Variants in CAPN15 observed in about 807,000 individuals in gnomAD.
CAPN15 encodes the protein calpain-15.
Under a neutral mutation model 97.9 loss-of-function variants are expected in CAPN15, and 53 were observed. That is an observed-to-expected ratio of 0.54 (90% confidence interval 0.43 to 0.68). The LOEUF (loss-of-function observed/expected upper bound fraction) is 0.68. Among genes scored for constraint, CAPN15 ranks in the 30% least tolerant of loss-of-function variants. The probability of loss-of-function intolerance (pLI) is 0.00; values close to 1 mark genes in which losing one functional copy is unlikely to be tolerated. For missense variants in CAPN15, 1,592 were observed against 1,589.8 expected (o/e 1.00, Z -0.02); for synonymous variants, 922 against 722.5 (o/e 1.28, Z -4.43).
At chr16:553,148 CCCCTA>C in intron 13 of CAPN15, 107 bp downstream of exon 13, 1 of 445,148 alleles carries the variant, frequency 2.2e-6, no homozygotes, top group Non-Finnish European at 3.9e-6. Flanking sequence ...GGTGCCCCCT[CCCCTA>C]CCCCGCTGCA....
Position 530,020 on chromosome 16 carries a change from G to T in CAPN15, c.-190+1991G>T, listed in dbSNP as rs558628552. Among the ~76,000 whole-genome samples, 18 of 152,364 alleles carry T rather than the reference G, an allele frequency of 1.2e-4. No individual in the cohort carries two copies. The East Asian group carries it at 1.7e-3, about 15-fold the overall frequency. The stretch of plus-strand genomic sequence containing the variant: ...GCAGGAGTGCCCAGAAGCCCAGTGG[G>T]ACTTGTTCTCTGCCTAAAGCCCTTC... On this transcript the variant is annotated intron_variant, in intron 1 of 13. Transcript: ENST00000219611.
rs1243774209 is a variant in CAPN15, at chr16:536,088, C to G, written c.-77C>G. 2 of 979,666 alleles carry G rather than the reference C, an allele frequency of 2.0e-6. No individual in the cohort carries two copies. The highest frequency in any genetic ancestry group is 2.4e-6 in the Non-Finnish European group (2 of 828,640). The allele number at this position is 979,666 out of a possible 1,614,324, so 60.7% of individuals were successfully genotyped here. Reference sequence around the variant, plus strand: ...GACCTGCGTCCTCGGGGCCACTGCACTGGGTGATTCACGTGTGCCCAGGCC... The same window carrying G: ...GACCTGCGTCCTCGGGGCCACTGCAGTGGGTGATTCACGTGTGCCCAGGCC... On this transcript the variant is annotated 5_prime_UTR_variant, in exon 3 of 14. Transcript: ENST00000219611.
Position 546,927 on chromosome 16 carries a change from G to A in CAPN15, c.89G>A (p.Arg30Gln), listed in dbSNP as rs778703576. 54 of 1,610,922 alleles carry A rather than the reference G, an allele frequency of 3.4e-5. No individual in the cohort carries two copies. The highest frequency in any genetic ancestry group is 4.4e-5 in the South Asian group (4 of 91,076). The stretch of plus-strand genomic sequence containing the variant: ...CAGTGCTCCATCTGCGAGGCTCCCC[G>A]GCACAAGCCCGACCTCAACCACATC... ...QRQCSICEAP[R>Q]HKPDLNHILR... is the part of the protein sequence containing the mutation. The change falls in exon 4 of 14, where the codon CGG (arginine) becomes CAG (glutamine). Residue 30 changes from arginine (R) to glutamine (Q), a missense_variant. Arg to Gln is a conservative substitution (Grantham distance 43, BLOSUM62 1). Transcript: ENST00000219611.
At chr16:546,610 C>T (rs2034600281) in intron 3 of CAPN15, among the ~76,000 whole-genome samples, 1 of 152,224 alleles carries the variant, frequency 6.6e-6, no homozygotes, top group Non-Finnish European at 1.5e-5. Flanking sequence ...TCTGCTGAGC[C>T]TCCAACGGGC....
At chr16:541,349 G>T (rs2034099159) in intron 3 of CAPN15, among the ~76,000 whole-genome samples, 1 of 152,152 alleles carries the variant, frequency 6.6e-6, no homozygotes, top group South Asian at 2.1e-4. Context: ...GATGAACAGG[G>T]AGACGCGGCA....
At chr16:553,224 C>T in intron 13 of CAPN15, 115 bp from the exon 14 acceptor site, 3 of 632,404 alleles carry the variant, frequency 4.7e-6, no homozygotes, top group Non-Finnish European at 5.6e-6. Flanking sequence ...CCTGCCCCCA[C>T]CCCTGTACGG....
chr16:537,069 C>G (rs1008881935), intron 3 of CAPN15: 1 of 909,300 alleles, frequency 1.1e-6, no homozygotes, highest in Non-Finnish European at 1.3e-6. Context: ...GGAAAAACCC[C>G]GGAGAGGGCT....
chr16:534,820 C>T (rs769821032), intron 2 of CAPN15, among the ~76,000 whole-genome samples: 44 of 152,200 alleles, frequency 2.9e-4, no homozygotes, highest in Non-Finnish European at 5.1e-4. Flanking sequence ...CCAGCTCGGG[C>T]AGGGGTGACA....
chr16:553,682 T>G lies in CAPN15; in HGVS notation c.*166T>G. 1 of 501,006 alleles carries G rather than the reference T, an allele frequency of 2.0e-6. No homozygotes were observed. Among genetic ancestry groups the G allele is most frequent in the South Asian group, 3.0e-5 (1 of 33,780 alleles). The allele number at this position is 501,006 out of a possible 1,614,324, so 31.0% of individuals were successfully genotyped here. A position where few individuals can be genotyped will look rare whatever the true frequency, so the allele number is the denominator to read the frequency against. The stretch of plus-strand genomic sequence containing the variant: ...CCCATGGGCCCCCCGCCCCCCTCCT[T>G]CCCCTCCCTGAACCCCACAGTCCGC... On this transcript the variant is annotated 3_prime_UTR_variant, in exon 14 of 14. Transcript: ENST00000219611.
At chr16:537,463 A>C (rs538744507) in intron 3 of CAPN15, 112 of 985,204 alleles carry the variant, frequency 1.1e-4, no homozygotes, top group Non-Finnish European at 1.3e-4. Flanking sequence ...TGAGTGGCGA[A>C]GGAGCTGAGG....
chr16:540,067 T>C (rs2141994154), intron 3 of CAPN15: 3 of 984,818 alleles, frequency 3.0e-6, no homozygotes, highest in East Asian at 2.3e-4. Context: ...TGTCTGTTTA[T>C]TTTTGTTGTG....
chr16:551,946 C>T, intron 9 of CAPN15, 105 bp from the exon 10 acceptor site: 1 of 1,259,174 alleles, frequency 7.9e-7, no homozygotes, highest in East Asian at 2.5e-5. Flanking sequence ...GGTGACGGAG[C>T]AGCTGGCACC....
intron 1 of CAPN15, among the ~76,000 whole-genome samples, chr16:529,813 T>C (rs1281271563): frequency 6.6e-6 from 1 of 152,202 alleles, no homozygotes; most frequent in Non-Finnish European, 1.5e-5. Context: ...GTGTCTGTCC[T>C]GGGTGGCCAC....
chr16:551,768 G>T, intron 9 of CAPN15, 104 bp downstream of exon 9: 3 of 1,448,874 alleles, frequency 2.1e-6, no homozygotes, highest in Admixed American at 1.9e-5. Context: ...GGGTGGGGCG[G>T]CTTGTTCGTG....
chr16:528,272 A>G (rs2032995398), intron 1 of CAPN15, among the ~76,000 whole-genome samples: 1 of 151,868 alleles, frequency 6.6e-6, no homozygotes, highest in African/African-American at 2.4e-5. Flanking sequence ...AGAGGAACCC[A>G]GAGGAAGGCG....
intron 3 of CAPN15, chr16:537,397 G>A: frequency 2.0e-6 from 2 of 985,654 alleles, no homozygotes; most frequent in Non-Finnish European, 2.4e-6. Context: ...GTAGGAGCCT[G>A]TGTTTCTAGC....
intron 2 of CAPN15, among the ~76,000 whole-genome samples, chr16:534,248 T>TGTCG: frequency 3.2e-5 from 1 of 31,602 alleles, no homozygotes; most frequent in African/African-American, 5.0e-4. Flanking sequence ...GTTTGTCCCT[T>TGTCG]TGGGGACCTC....
At chr16:549,995 C>A (rs1433155942) in intron 7 of CAPN15, among the ~76,000 whole-genome samples, 157 bp downstream of exon 7, 2 of 152,220 alleles carry the variant, frequency 1.3e-5, no homozygotes, top group Non-Finnish European at 2.9e-5. Context: ...GCCCCAATCA[C>A]CTCCCCCTCC....
Position 551,353 on chromosome 16 carries a change from G to A in CAPN15, c.2118G>A (p.Ser706=), listed in dbSNP as rs748981544. ...CGGGNMKVDD[S]AYESLGLRPR... ...GGGGCAACATGAAGGTGGACGATTC[G>A]GCCTACGAGAGCCTGGGCCTGCGCC... Residue 706 remains serine (S), a synonymous_variant, in exon 8 of 14, where the codon TCG becomes TCA. Transcript: ENST00000219611. The A allele has an allele frequency of 6.2e-6, 10 of 1,608,864 alleles. No homozygotes were observed. The highest frequency in any genetic ancestry group is 2.2e-5 in the South Asian group (2 of 90,904).
Sources: gnomAD v4.1 joint callset for allele counts (sites outside exome capture counted in the v4.1 genomes callset) on GRCh38, gnomAD v4.1.1 for gene constraint, MANE v1.5 for transcripts, NCBI Gene and HGNC (gene_info 2026-07-23, HGNC 2026-07-21) for gene names.